Variants in AQR observed in about 807,000 individuals in gnomAD.
The protein encoded by AQR is RNA helicase aquarius.
In AQR, 61 loss-of-function variants were observed where a neutral mutation model predicts 180.5. The observed-to-expected ratio is 0.34, with a 90% confidence interval of 0.28 to 0.42. The LOEUF (loss-of-function observed/expected upper bound fraction) is 0.42, where lower values mean the gene tolerates loss of function less well. Ranked by LOEUF, AQR falls within the 10% of genes least tolerant of loss-of-function variation. The pLI is 1.00. For synonymous variants in AQR, 551 were observed against 588.8 expected (o/e 0.94, Z 0.93); for missense variants, 1,281 against 1,798.3 (o/e 0.71, Z 5.20).
intron 20 of AQR, among the ~76,000 whole-genome samples, chr15:34,900,090 G>A (rs558628390): frequency 6.6e-6 from 1 of 151,862 alleles, no homozygotes; most frequent in Non-Finnish European, 1.5e-5. Context: ...ATGGGGTCTC[G>A]CTATGTTGCC....
chr15:34,915,423 C>T (rs1229356055), intron 15 of AQR, among the ~76,000 whole-genome samples: 1 of 151,582 alleles, frequency 6.6e-6, no homozygotes, highest in African/African-American at 2.4e-5. Flanking sequence ...AACTCCTGAC[C>T]TTGTGATCTG....
chr15:34,860,693 C>G (rs1449427225), intron 33 of AQR, among the ~76,000 whole-genome samples: 1 of 152,110 alleles, frequency 6.6e-6, no homozygotes, highest in Non-Finnish European at 1.5e-5. Flanking sequence ...ACTCTTTGTC[C>G]TACTTATATT....
intron 19 of AQR, 77 bp downstream of exon 19, chr15:34,904,259 C>A (rs899905205): frequency 4.6e-6 from 5 of 1,078,852 alleles, no homozygotes; most frequent in Non-Finnish European, 6.2e-6. Context: ...TTCCTCTAAC[C>A]AAATATCTCT....
At chr15:34,946,567 C>T (rs1472084851) in intron 5 of AQR, among the ~76,000 whole-genome samples, 1 of 145,690 alleles carries the variant, frequency 6.9e-6, no homozygotes, top group Non-Finnish European at 1.5e-5. Flanking sequence ...CCGCCCCGTC[C>T]GGGAGGGAGG....
chr15:34,945,394 C>G lies in AQR; in HGVS notation c.331-966G>C, dbSNP rs558477880. The stretch of plus-strand genomic sequence containing the variant: ...CCTGGAAGGTTATTGAAAATAACAC[C>G]CTTTCCTAATGCTACTTCAACTGAT... On this transcript the variant is annotated intron_variant, in intron 5 of 34. Coordinates refer to ENST00000156471, the MANE Select transcript of AQR (RefSeq NM_014691.3). 7.2e-5 allele frequency among the ~76,000 whole-genome samples: 11 copies of G among 152,250 alleles called. No individual in the cohort carries two copies. The East Asian group carries it at 2.1e-3, about 29-fold the overall frequency.
At chr15:34,938,681 C>A in intron 9 of AQR, 56 bp downstream of exon 9, 1 of 1,124,240 alleles carries the variant, frequency 8.9e-7, no homozygotes, top group Non-Finnish European at 1.3e-6. Flanking sequence ...TGAGTAAATA[C>A]CATAGGGGCA....
intron 3 of AQR, among the ~76,000 whole-genome samples, chr15:34,958,323 G>A (rs1894359066): frequency 6.6e-6 from 1 of 152,072 alleles, no homozygotes; most frequent in Admixed American, 6.6e-5. Flanking sequence ...GAGCAGCCTG[G>A]GCAACATGGA....
intron 33 of AQR, 98 bp downstream of exon 33, chr15:34,862,769 T>A (rs1892687406): frequency 1.6e-6 from 2 of 1,280,350 alleles, no homozygotes; most frequent in Non-Finnish European, 2.2e-6. Flanking sequence ...GACTAAATTA[T>A]CTATAATAAT....
intron 26 of AQR, 102 bp downstream of exon 26, chr15:34,884,419 AAAAC>A: frequency 9.0e-7 from 1 of 1,114,270 alleles, no homozygotes; most frequent in South Asian, 1.5e-5. Context: ...AAAAAACAAA[AAAAC>A]AAAAAAACAA....
Position 34,957,828 on chromosome 15 carries a change from A to C in AQR, c.173+2946T>G, listed in dbSNP as rs1420732621. Among the ~76,000 whole-genome samples the C allele has an allele frequency of 6.6e-5, 10 of 151,954 alleles. No individual in the cohort carries two copies. The East Asian group carries it at 1.9e-3, about 29-fold the overall frequency. On this transcript the variant is annotated intron_variant, in intron 3 of 34. Transcript: ENST00000156471. ...AAAAATTAAAAAATAATAATAAAAA[A>C]CGTGTCCAAGATAAGAAAACGACTG... is the stretch of plus-strand genomic sequence containing the variant.
chr15:34,890,755 G>A (rs1893132199), intron 23 of AQR, among the ~76,000 whole-genome samples: 2 of 152,260 alleles, frequency 1.3e-5, no homozygotes, highest in South Asian at 4.1e-4. Flanking sequence ...ACCAGAAGGT[G>A]GAAACATAAA....
intron 12 of AQR, among the ~76,000 whole-genome samples, chr15:34,928,591 T>G (rs143526247): frequency 0.013 from 2,040 of 152,318 alleles, 54 homozygotes; most frequent in African/African-American, 0.047. Context: ...TTATCCAGTC[T>G]ATCGTTGATG....
chr15:34,918,243 A>G lies in AQR; in HGVS notation c.1342+15T>C. The G allele has an allele frequency of 2.5e-6, 4 of 1,609,138 alleles. No individual in the cohort carries two copies. Among genetic ancestry groups the G allele is most frequent in the Non-Finnish European group, 2.5e-6 (3 of 1,178,456 alleles). On this transcript the variant is annotated intron_variant, in intron 15 of 34. Transcript: ENST00000156471. ...TGTTTCATTGTACAGCTGAATCCATACTTCTTTACCATACCTTCTCCAGAA... is the reference window on the plus strand; with the variant it reads ...TGTTTCATTGTACAGCTGAATCCATGCTTCTTTACCATACCTTCTCCAGAA...
At chr15:34,967,167 G>A (rs1361793768) in intron 1 of AQR, among the ~76,000 whole-genome samples, 2 of 149,896 alleles carry the variant, frequency 1.3e-5, no homozygotes, top group Non-Finnish European at 3.0e-5. Context: ...TAATCCCACT[G>A]CGAGCCACAA....
chr15:34,960,472 T>C (rs1332112875), intron 3 of AQR, among the ~76,000 whole-genome samples: 4 of 152,088 alleles, frequency 2.6e-5, no homozygotes, highest in Admixed American at 6.6e-5. Flanking sequence ...TTTTTAAGAA[T>C]ATTTTTAAAA....
rs954637940 is a variant in AQR at position 34,938,821 on chromosome 15, C to A, written c.642-8G>T. 2 of 1,587,000 alleles carry A rather than the reference C, an allele frequency of 1.3e-6. No homozygotes were observed. Among genetic ancestry groups the A allele is most frequent in the South Asian group, 1.1e-5 (1 of 88,780 alleles). ...CTCCTCTCTTGATATGCCCTAAAAT[C>A]AGAAAGAACATTGACCAATTATTTT... On this transcript the variant is annotated splice_polypyrimidine_tract_variant and splice_region_variant and intron_variant, in intron 8 of 34. Coordinates refer to ENST00000156471, the MANE Select transcript of AQR (RefSeq NM_014691.3).
chr15:34,866,006 A>C (rs1446711705), intron 32 of AQR, among the ~76,000 whole-genome samples: 2 of 152,178 alleles, frequency 1.3e-5, no homozygotes, highest in African/African-American at 4.8e-5. Context: ...ATATACAAAA[A>C]AATCATTGAA....
intron 28 of AQR, among the ~76,000 whole-genome samples, chr15:34,875,152 G>T (rs556874873): frequency 5.9e-5 from 9 of 152,230 alleles, no homozygotes; most frequent in African/African-American, 1.9e-4. Flanking sequence ...AGGCTGGAAG[G>T]ATTAGGTCAG....
At chr15:34,911,993 A>T (rs1389184299) in intron 16 of AQR, among the ~76,000 whole-genome samples, 2 of 151,914 alleles carry the variant, frequency 1.3e-5, no homozygotes, top group African/African-American at 4.8e-5. Flanking sequence ...ATCCTATTTC[A>T]TTTTTTTACA....
Sources: gnomAD v4.1 joint callset for allele counts (sites outside exome capture counted in the v4.1 genomes callset) on GRCh38, gnomAD v4.1.1 for gene constraint, MANE v1.5 for transcripts, NCBI Gene and HGNC (gene_info 2026-07-23, HGNC 2026-07-21) for gene names.